UGGT2: variants seen among roughly 807,000 people sequenced by gnomAD.
UGGT2 encodes UDP-glucose glycoprotein glucosyltransferase 2.
UGGT2 carries 180 observed loss-of-function variants against 192.1 expected under a neutral mutation model. The observed-to-expected ratio is 0.94, with a 90% CI of 0.83 to 1.06. The LOEUF is 1.06. Ranked by LOEUF, UGGT2 falls within the 50% of genes least tolerant of loss-of-function variation. UGGT2 has a pLI of 0.00. For synonymous variants in UGGT2, 580 were observed against 591.0 expected, an observed-to-expected ratio of 0.98 and a Z score of 0.27; for missense variants, 1,849 against 1,795.7, an observed-to-expected ratio of 1.03 and a Z score of -0.54.
chr13:95,939,229 G>A (rs1345888634), intron 16 of UGGT2, among the ~76,000 whole-genome samples: 1 of 152,082 alleles, frequency 6.6e-6, no homozygotes, highest in Non-Finnish European at 1.5e-5. Flanking sequence ...ATATTTTTCT[G>A]ACTGGAATGT....
intron 20 of UGGT2, among the ~76,000 whole-genome samples, chr13:95,907,140 G>A (rs1254940415): frequency 2.0e-5 from 3 of 152,188 alleles, no homozygotes; most frequent in East Asian, 1.9e-4. Flanking sequence ...CCACACCCAC[G>A]GAGCCTTGCT....
chr13:95,904,102 T>A (rs927888402), intron 20 of UGGT2, among the ~76,000 whole-genome samples: 2 of 152,048 alleles, frequency 1.3e-5, no homozygotes, highest in African/African-American at 4.8e-5. Context: ...TTTTTTTGGT[T>A]ATATGTGTAG....
chr13:95,889,438 A>G (rs1255659881), intron 25 of UGGT2, among the ~76,000 whole-genome samples: 1 of 152,172 alleles, frequency 6.6e-6, no homozygotes, highest in African/African-American at 2.4e-5. Flanking sequence ...TTCTAAAAAA[A>G]ATTGCATTTT....
At chr13:95,987,462 T>A (rs1049824064) in intron 8 of UGGT2, among the ~76,000 whole-genome samples, 1 of 152,148 alleles carries the variant, frequency 6.6e-6, no homozygotes, top group Non-Finnish European at 1.5e-5. Flanking sequence ...CACTTATACT[T>A]TTCTAAATTA....
At chr13:95,924,187 G>T (rs1196409602) in intron 20 of UGGT2, among the ~76,000 whole-genome samples, 1 of 151,906 alleles carries the variant, frequency 6.6e-6, no homozygotes, top group African/African-American at 2.4e-5. Context: ...ATCCTATAAG[G>T]AATAAACAAT....
At chr13:96,018,845 T>G (rs1235130823) in intron 4 of UGGT2, among the ~76,000 whole-genome samples, 3 of 150,186 alleles carry the variant, frequency 2.0e-5, no homozygotes, top group Non-Finnish European at 4.4e-5. Flanking sequence ...CAGAAAAAAT[T>G]TATCAGTCAT....
intron 31 of UGGT2, chr13:95,863,428 G>T: frequency 2.2e-6 from 1 of 460,044 alleles, no homozygotes; most frequent in South Asian, 4.3e-5. Flanking sequence ...TTCTCCATTG[G>T]TTTGTATAGT....
intron 12 of UGGT2, among the ~76,000 whole-genome samples, chr13:95,955,520 A>G (rs1179745557): frequency 1.3e-5 from 2 of 152,190 alleles, no homozygotes; most frequent in Admixed American, 1.3e-4. Context: ...AATACTTCTG[A>G]GTATACGAAA....
intron 1 of UGGT2, among the ~76,000 whole-genome samples, chr13:96,051,215 A>G (rs2053476148): frequency 6.6e-6 from 1 of 152,226 alleles, no homozygotes; most frequent in African/African-American, 2.4e-5. Context: ...CATCATTCTC[A>G]GCAAACTATC....
intron 38 of UGGT2, among the ~76,000 whole-genome samples, chr13:95,812,242 A>G (rs1884620831): frequency 6.6e-6 from 1 of 152,178 alleles, no homozygotes; most frequent in South Asian, 2.1e-4. Context: ...ATGTACCACA[A>G]GTTATTACTC....
chr13:95,923,074 T>C (rs2048898794), intron 20 of UGGT2, among the ~76,000 whole-genome samples: 1 of 152,138 alleles, frequency 6.6e-6, no homozygotes, highest in Non-Finnish European at 1.5e-5. Flanking sequence ...GACTAATTAA[T>C]GGGGTCTCAC....
intron 5 of UGGT2, among the ~76,000 whole-genome samples, chr13:96,002,488 A>G (rs1275614634): frequency 6.6e-6 from 1 of 152,222 alleles, no homozygotes; most frequent in Non-Finnish European, 1.5e-5. Context: ...TCACTGCTAC[A>G]TGAACCAATG....
At chr13:96,016,707 A>G (rs757098107) in intron 4 of UGGT2, among the ~76,000 whole-genome samples, 1 of 152,376 alleles carries the variant, frequency 6.6e-6, no homozygotes, top group Non-Finnish European at 1.5e-5. Flanking sequence ...CTACTAGGGC[A>G]GTGCATAGAG....
intron 10 of UGGT2, among the ~76,000 whole-genome samples, chr13:95,979,095 T>G (rs1241915788): frequency 6.6e-6 from 1 of 152,202 alleles, no homozygotes; most frequent in Non-Finnish European, 1.5e-5. Context: ...GATCATATCC[T>G]CATTTTATTT....
intron 9 of UGGT2, chr13:95,984,841 C>T (rs1444367216): frequency 1.3e-5 from 2 of 152,174 alleles, no homozygotes; most frequent in African/African-American, 4.8e-5. Flanking sequence ...CTTGAAACAG[C>T]CCACAATAAG....
intron 38 of UGGT2, among the ~76,000 whole-genome samples, chr13:95,808,233 A>G (rs1057154207): frequency 2.0e-5 from 3 of 152,218 alleles, no homozygotes; most frequent in Admixed American, 6.5e-5. Context: ...TACAACCAAA[A>G]GACTGGCAGC....
intron 5 of UGGT2, among the ~76,000 whole-genome samples, chr13:96,006,623 CAAAAAAAA>C (rs61256349): frequency 1.4e-4 from 13 of 93,466 alleles, no homozygotes; most frequent in Non-Finnish European, 2.0e-4. Flanking sequence ...GATTCTGCCT[CAAAAAAAA>C]AAAAAAAAAA....
At chr13:96,033,990 G>A (rs1446752510) in intron 1 of UGGT2, among the ~76,000 whole-genome samples, 1 of 152,182 alleles carries the variant, frequency 6.6e-6, no homozygotes, top group African/African-American at 2.4e-5. Flanking sequence ...TGGGGGCTGG[G>A]CTACCTCTTC....
chr13:95,812,147 A>G (rs1884616617), intron 38 of UGGT2, among the ~76,000 whole-genome samples: 1 of 152,206 alleles, frequency 6.6e-6, no homozygotes, highest in Admixed American at 6.6e-5. Context: ...CAAGCACAAA[A>G]TAGCCACAGA....
Sources: allele counts gnomAD v4.1 joint callset (sites outside exome capture counted in the v4.1 genomes callset), GRCh38; gene constraint gnomAD v4.1.1; transcripts MANE v1.5; gene names NCBI Gene and HGNC (gene_info 2026-07-23, HGNC 2026-07-21).